Variants in NUBPL observed in about 807,000 individuals in gnomAD.
The protein encoded by NUBPL is NUBP iron-sulfur cluster assembly factor, mitochondrial.
NUBPL carries 31 observed loss-of-function variants against 45.7 expected under a neutral mutation model. The observed-to-expected ratio is 0.68, with a 90% CI of 0.51 to 0.92. The LOEUF is 0.92. Among genes scored for constraint, NUBPL ranks in the 40% least tolerant of loss-of-function variants. The pLI, the probability that NUBPL is intolerant of heterozygous loss-of-function variation, is 0.00. For synonymous variants in NUBPL, 144 were observed against 140.9 expected, an observed-to-expected ratio of 1.02 and a Z score of -0.15; for missense variants, 401 against 398.7, an observed-to-expected ratio of 1.01 and a Z score of -0.05.
chr14:31,728,902 T>C (rs1339194796), intron 6 of NUBPL, among the ~76,000 whole-genome samples: 1 of 152,226 alleles, frequency 6.6e-6, no homozygotes, highest in Non-Finnish European at 1.5e-5. Flanking sequence ...AGGTTAACAT[T>C]AGTTACTATA....
intron 7 of NUBPL, among the ~76,000 whole-genome samples, chr14:31,791,654 T>G (rs1480941067): frequency 6.6e-6 from 1 of 152,184 alleles, no homozygotes; most frequent in African/African-American, 2.4e-5. Context: ...CATGTATGAC[T>G]GTAATCCACA....
At chr14:31,625,357 A>G (rs760646152) in intron 4 of NUBPL, among the ~76,000 whole-genome samples, 2 of 152,234 alleles carry the variant, frequency 1.3e-5, no homozygotes, top group Non-Finnish European at 2.9e-5. Flanking sequence ...GAAGCAACAT[A>G]CTATGTGTGA....
chr14:31,587,132 G>A (rs1197643348), intron 3 of NUBPL, among the ~76,000 whole-genome samples: 1 of 152,092 alleles, frequency 6.6e-6, no homozygotes, highest in Non-Finnish European at 1.5e-5. Flanking sequence ...AAAATCTCTG[G>A]GAATTGGTAT....
chr14:31,844,758 A>G (rs2040427291), intron 8 of NUBPL: 2 of 152,238 alleles, frequency 1.3e-5, no homozygotes. Context: ...TAGAACTGAT[A>G]CAGACATTGT....
At chr14:31,642,957 T>A (rs1305522267) in intron 4 of NUBPL, among the ~76,000 whole-genome samples, 2 of 152,138 alleles carry the variant, frequency 1.3e-5, no homozygotes, top group Non-Finnish European at 1.5e-5. Flanking sequence ...TTTTAGATTG[T>A]TTGCTGTTGG....
chr14:31,739,181 T>TAA (rs1223802310), intron 6 of NUBPL, among the ~76,000 whole-genome samples: 13 of 137,310 alleles, frequency 9.5e-5, no homozygotes, highest in East Asian at 4.0e-4. Context: ...ACCTGGCTAA[T>TAA]ATATATATAT....
At chr14:31,656,134 C>A (rs1421176662) in intron 4 of NUBPL, among the ~76,000 whole-genome samples, 3 of 152,014 alleles carry the variant, frequency 2.0e-5, no homozygotes, top group African/African-American at 7.3e-5. Flanking sequence ...TGCTACCTTC[C>A]AACTTTTCTT....
chr14:31,694,176 A>G (rs1045833938), intron 6 of NUBPL, among the ~76,000 whole-genome samples: 1 of 152,126 alleles, frequency 6.6e-6, no homozygotes, highest in African/African-American at 2.4e-5. Context: ...GACTTTCTAT[A>G]TAATATAGTT....
chr14:31,762,085 A>T (rs1404532856), intron 6 of NUBPL, among the ~76,000 whole-genome samples: 1 of 152,218 alleles, frequency 6.6e-6, no homozygotes, highest in Admixed American at 6.5e-5. Flanking sequence ...TTGTTGCTAT[A>T]GCTAGGTTTT....
chr14:31,834,570 TGGA>T (rs1361537931), intron 8 of NUBPL, among the ~76,000 whole-genome samples: 2 of 152,224 alleles, frequency 1.3e-5, no homozygotes, highest in African/African-American at 2.4e-5. Flanking sequence ...TTTATGAGAC[TGGA>T]TAGCATTCTG....
intron 3 of NUBPL, among the ~76,000 whole-genome samples, chr14:31,570,298 C>G (rs1247248206): frequency 1.3e-5 from 2 of 152,046 alleles, no homozygotes; most frequent in African/African-American, 4.8e-5. Flanking sequence ...TTAATTAAAG[C>G]AACATTTAAT....
chr14:31,568,454 C>G (rs182673334), intron 3 of NUBPL, among the ~76,000 whole-genome samples: 2 of 152,242 alleles, frequency 1.3e-5, no homozygotes, highest in Admixed American at 6.5e-5. Flanking sequence ...AATATAAAAA[C>G]TCTTCTTGGA....
chr14:31,570,517 A>G (rs2139460553), intron 3 of NUBPL, among the ~76,000 whole-genome samples: 1 of 152,314 alleles, frequency 6.6e-6, no homozygotes, highest in Non-Finnish European at 1.5e-5. Flanking sequence ...CATGAACATA[A>G]TTATATTTGA....
intron 3 of NUBPL, among the ~76,000 whole-genome samples, chr14:31,596,411 C>A (rs1324325871): frequency 6.6e-6 from 1 of 152,178 alleles, no homozygotes; most frequent in South Asian, 2.1e-4. Context: ...TGTTGAATGA[C>A]TGAATAGCTT....
At position 31,562,115 on chromosome 14, in the gene NUBPL, C is replaced by A. The variant is rs2033301303; in HGVS notation, c.156C>A (p.Ile52=). ...SETLKQRRTQ[I]MSRGLPKQKP... is the part of the protein sequence containing the mutation. ...CCCTAAAACAAAGAAGAACACAAAT[C>A]ATGTCCCGAGGACTTCCAAAGCAGA... Residue 52 remains isoleucine (I), a synonymous_variant, in exon 2 of 11, where the codon ATC becomes ATA. Transcript: ENST00000281081. 1 of 1,612,762 alleles carries A rather than the reference C, an allele frequency of 6.2e-7. No homozygotes were observed. The highest frequency in any genetic ancestry group is 1.3e-5 in the African/African-American group (1 of 74,822).
At chr14:31,687,650 A>T (rs529123433) in intron 6 of NUBPL, among the ~76,000 whole-genome samples, 10 of 152,330 alleles carry the variant, frequency 6.6e-5, no homozygotes, top group Non-Finnish European at 1.0e-4. Context: ...CTGCGTGAGC[A>T]GTTCATTTCT....
At chr14:31,853,500 TG>T (rs1405791540) in intron 10 of NUBPL, among the ~76,000 whole-genome samples, 1 of 152,176 alleles carries the variant, frequency 6.6e-6, no homozygotes, top group Non-Finnish European at 1.5e-5. Context: ...CAGCACCAGG[TG>T]TTAGGGCTCT....
At chr14:31,791,084 T>C (rs898946186) in intron 7 of NUBPL, among the ~76,000 whole-genome samples, 4 of 151,922 alleles carry the variant, frequency 2.6e-5, no homozygotes, top group African/African-American at 9.7e-5. Flanking sequence ...TCCTGGGCAA[T>C]ATAGTGAGAC....
At chr14:31,604,899 CTA>C (rs2034543312) in intron 4 of NUBPL, among the ~76,000 whole-genome samples, 1 of 152,108 alleles carries the variant, frequency 6.6e-6, no homozygotes, top group Admixed American at 6.6e-5. Context: ...AGTGATTTTT[CTA>C]TGTTATCATG....
Sources: allele counts gnomAD v4.1 joint callset (sites outside exome capture counted in the v4.1 genomes callset), GRCh38; gene constraint gnomAD v4.1.1; transcripts MANE v1.5; gene names NCBI Gene and HGNC (gene_info 2026-07-23, HGNC 2026-07-21).